Variants in BDP1 observed in about 807,000 individuals in gnomAD.
BDP1 encodes transcription factor TFIIIB component B'' homolog.
Under a neutral mutation model 266.6 loss-of-function variants are expected in BDP1, and 169 were observed. The observed-to-expected ratio is 0.63, with a 90% confidence interval of 0.56 to 0.72. BDP1 has a LOEUF of 0.72. Ranked by LOEUF, BDP1 falls within the 30% of genes least tolerant of loss-of-function variation. The pLI, the probability that BDP1 is intolerant of heterozygous loss-of-function variation, is 0.00. For synonymous variants in BDP1, 1,090 were observed against 1,022.4 expected, an observed-to-expected ratio of 1.07 and a Z score of -1.26; for missense variants, 3,015 against 3,053.8, an observed-to-expected ratio of 0.99 and a Z score of 0.30.
intron 7 of BDP1, among the ~76,000 whole-genome samples, chr5:71,483,167 A>G (rs1011841901): frequency 6.6e-6 from 1 of 152,236 alleles, no homozygotes; most frequent in African/African-American, 2.4e-5. Context: ...ACTGACGTGT[A>G]GATGGGAAAC....
chr5:71,530,845 A>T (rs1218713603), intron 25 of BDP1, among the ~76,000 whole-genome samples: 1 of 152,180 alleles, frequency 6.6e-6, no homozygotes, highest in Non-Finnish European at 1.5e-5. Flanking sequence ...TGGGAAGCCA[A>T]GGTGGGCAGA....
Position 71,567,053 on chromosome 5 carries a change from G to A in BDP1, c.*2168G>A, listed in dbSNP as rs1279076241. The A allele has an allele frequency of 2.0e-5, 3 of 152,056 alleles. No individual in the cohort carries two copies. Among genetic ancestry groups the A allele is most frequent in the East Asian group, 1.9e-4 (1 of 5,198 alleles). The allele number at this position is 152,056 out of a possible 1,614,324, so 9.4% of individuals were successfully genotyped here. On this transcript the variant is annotated 3_prime_UTR_variant, in exon 39 of 39. Coordinates refer to ENST00000358731, the MANE Select transcript of BDP1 (RefSeq NM_018429.3). ...GAGAGGAGGCTATATAATTCGGAGC[G>A]GAAATTGTCTATAAGTAGGCATTTA...
intron 16 of BDP1, among the ~76,000 whole-genome samples, chr5:71,506,823 A>ACACACACCC (rs377599570): frequency 7.1e-6 from 1 of 141,726 alleles, no homozygotes; most frequent in Admixed American, 7.2e-5. Context: ...ACACACACAC[A>ACACACACCC]CCCATATTTT....
intron 7 of BDP1, among the ~76,000 whole-genome samples, chr5:71,483,219 C>T (rs1763066552): frequency 6.6e-6 from 1 of 152,156 alleles, no homozygotes; most frequent in Non-Finnish European, 1.5e-5. Context: ...TTTGCGTGAT[C>T]AGACGTCTTC....
At chr5:71,528,330 T>TAA (rs1256549910) in intron 25 of BDP1, among the ~76,000 whole-genome samples, 3 of 152,192 alleles carry the variant, frequency 2.0e-5, no homozygotes, top group African/African-American at 7.2e-5. Flanking sequence ...TTAGCTTCCT[T>TAA]ACACTTTTGC....
In BDP1 at chr5:71,539,052, C is replaced by G; in HGVS notation, c.5903C>G (p.Thr1968Arg). 1 of 1,601,266 alleles carries G rather than the reference C, an allele frequency of 6.2e-7. No individual in the cohort carries two copies. Among genetic ancestry groups the G allele is most frequent in the Non-Finnish European group, 8.5e-7 (1 of 1,172,474 alleles). Residue 1968 changes from threonine (T) to arginine (R), a missense_variant, in exon 27 of 39, where the codon ACA becomes AGA. Thr to Arg is a moderately conservative substitution (Grantham distance 71). Coordinates refer to ENST00000358731, the MANE Select transcript of BDP1 (RefSeq NM_018429.3). The part of the protein sequence containing the change: ...ENLSVPFEMT[T>R]SEHIQDEPGT... ...TTTTTTCCTTTTTAGGAAATGACCACAAGTGAACATATCCAAGATGAACCA... is the reference window on the plus strand; with the variant it reads ...TTTTTTCCTTTTTAGGAAATGACCAGAAGTGAACATATCCAAGATGAACCA...
In BDP1 at chr5:71,553,276, C is replaced by G. The variant is rs201315532; in HGVS notation, c.7156C>G (p.Arg2386Gly). ...TGACCACATTCCTCCTGCCAAAAAA[C>G]GTTCACTCACTTTAAGAGATGACTG... ...KNDHIPPAKK[R>G]SLTLRDDCQE... Residue 2386 changes from arginine (R) to glycine (G), a missense_variant, in exon 35 of 39, where the codon CGT becomes GGT. Around this residue, in one of 3 missense-constraint regions of BDP1, gnomAD observed 629 missense variants for 632.5 expected, o/e 0.99. Coordinates refer to ENST00000358731, the MANE Select transcript of BDP1 (RefSeq NM_018429.3). 1.2e-6 allele frequency: 2 copies of G among 1,613,044 alleles called. No individual in the cohort carries two copies. The highest frequency in any genetic ancestry group is 1.7e-6 in the Non-Finnish European group (2 of 1,179,936).
rs1337520128 is a variant in BDP1 at position 71,541,553 on chromosome 5, A to C, written c.6122A>C (p.Glu2041Ala). The change falls in exon 29 of 39, where the codon GAA becomes GCA. Residue 2041 changes from glutamate (E) to alanine (A), a missense_variant. Physicochemically the swap from Glu to Ala is moderately radical, Grantham distance 107. This residue lies in a region of BDP1 where 2,383 missense variants were observed against 2,404.9 expected (regional missense o/e 0.99). Coordinates refer to ENST00000358731, the MANE Select transcript of BDP1 (RefSeq NM_018429.3). ...CACAAAATTGTTCATGAATGTCAGG[A>C]ACTTTCTTCACCTGTCATTACTACA... ...VNHKIVHECQ[E>A]LSSPVITTSP... is the part of the protein sequence containing the mutation. 2 of 1,611,652 alleles carry C rather than the reference A, an allele frequency of 1.2e-6. No homozygotes were observed. The highest frequency in any genetic ancestry group is 1.3e-5 in the African/African-American group (1 of 74,844).
chr5:71,555,599 C>G (rs1743161721), intron 35 of BDP1, among the ~76,000 whole-genome samples: 1 of 152,014 alleles, frequency 6.6e-6, no homozygotes, highest in Non-Finnish European at 1.5e-5. Flanking sequence ...GCCACCACGC[C>G]CAGCTAATTT....
intron 26 of BDP1, among the ~76,000 whole-genome samples, chr5:71,533,948 C>T (rs936426897): frequency 6.6e-6 from 1 of 151,970 alleles, no homozygotes; most frequent in Non-Finnish European, 1.5e-5. Context: ...TGCTATTTGT[C>T]TTTTTATTAT....
At chr5:71,541,348 C>T in intron 28 of BDP1, 106 bp from the exon 29 acceptor site, 1 of 545,560 alleles carries the variant, frequency 1.8e-6, no homozygotes, top group Non-Finnish European at 3.1e-6. Flanking sequence ...ACAAATGAAG[C>T]AAACTTTAAT....
intron 34 of BDP1, among the ~76,000 whole-genome samples, chr5:71,550,596 C>T (rs1369287715): frequency 1.3e-5 from 2 of 152,116 alleles, no homozygotes; most frequent in African/African-American, 4.8e-5. Flanking sequence ...GCCACTGTGC[C>T]CAGCTGTTCT....
At chr5:71,539,233 G>A (rs569005609) in intron 27 of BDP1, among the ~76,000 whole-genome samples, 155 bp downstream of exon 27, 1 of 152,266 alleles carries the variant, frequency 6.6e-6, no homozygotes, top group East Asian at 1.9e-4. Flanking sequence ...TGGATTCTTG[G>A]AATGTTATTT....
chr5:71,560,830 A>G (rs1561793594), intron 37 of BDP1, among the ~76,000 whole-genome samples: 1 of 152,214 alleles, frequency 6.6e-6, no homozygotes, highest in Non-Finnish European at 1.5e-5. Context: ...ACTAAGGGGA[A>G]GGGGTTGGGG....
chr5:71,497,232 G>A, intron 12 of BDP1, 38 bp from the exon 13 acceptor site: 1 of 1,576,792 alleles, frequency 6.3e-7, no homozygotes, highest in Non-Finnish European at 8.7e-7. Context: ...GGACATGACT[G>A]CATGTTTGAT....
At position 71,522,344 on chromosome 5, in the gene BDP1, C is replaced by G; in HGVS notation, c.5047C>G (p.Gln1683Glu). 6.2e-7 allele frequency: 1 copy of G among 1,613,798 alleles called. No homozygotes were observed. The highest frequency in any genetic ancestry group is 8.5e-7 in the Non-Finnish European group (1 of 1,179,930). The change falls in exon 23 of 39, where the codon CAA becomes GAA. Residue 1683 changes from glutamine (Q) to glutamate (E), a missense_variant. By Grantham distance (29) the Gln-to-Glu change is conservative (BLOSUM62 2). Around this residue, in one of 3 missense-constraint regions of BDP1, gnomAD observed 2,383 missense variants for 2,404.9 expected, o/e 0.99. Coordinates refer to ENST00000358731, the MANE Select transcript of BDP1 (RefSeq NM_018429.3). ...AGCACAAATGACAAGAAGGAAATTC[C>G]AAAAGGCTAAGCCAAATTTGGGAAG... ...SSAQMTRRKFQKAKPNLGRAH... is the reference protein window; with the variant it reads ...SSAQMTRRKFEKAKPNLGRAH...
intron 7 of BDP1, among the ~76,000 whole-genome samples, chr5:71,481,909 T>C (rs1443361759): frequency 6.6e-6 from 1 of 152,196 alleles, no homozygotes; most frequent in Non-Finnish European, 1.5e-5. Flanking sequence ...AATGCATTAG[T>C]ACTTAATTCT....
Position 71,539,084 on chromosome 5 carries a change from T to C in BDP1, c.5929+6T>C. 6.3e-7 allele frequency: 1 copy of C among 1,598,688 alleles called. No homozygotes were observed. The highest frequency in any genetic ancestry group is 8.5e-7 in the Non-Finnish European group (1 of 1,170,128). ...ACATATCCAAGATGAACCAGGTAAC[T>C]GTTATCAAGGAAACTGCTAAGACTA... On this transcript the variant is annotated splice_donor_region_variant and intron_variant, in intron 27 of 38. Transcript: ENST00000358731.
At position 71,510,135 on chromosome 5, in the gene BDP1, A is replaced by G. The variant is rs187541686; in HGVS notation, c.3043A>G (p.Thr1015Ala). 6.8e-6 allele frequency: 11 copies of G among 1,613,910 alleles called. No individual in the cohort carries two copies. In the African/African-American group the frequency reaches 1.1e-4, roughly 16 times the overall value. Residue 1015 changes from threonine to alanine, a missense_variant, in exon 17 of 39, where the codon ACT (threonine) becomes GCT (alanine). By Grantham distance (58) the Thr-to-Ala change is moderately conservative. Transcript: ENST00000358731. ...VDEMETDLNA[T>A]GRESSPREKT... Reference sequence around the variant, plus strand: ...TGAAATGGAGACAGATTTGAACGCAACTGGAAGAGAGAGTTCTCCAAGGGA... The same window carrying G: ...TGAAATGGAGACAGATTTGAACGCAGCTGGAAGAGAGAGTTCTCCAAGGGA...
Sources: gnomAD v4.1 joint callset for allele counts (sites outside exome capture counted in the v4.1 genomes callset) on GRCh38, gnomAD v4.1.1 for gene constraint, gnomAD v4.1.1 regional missense constraint, MANE v1.5 for transcripts, NCBI Gene and HGNC (gene_info 2026-07-23, HGNC 2026-07-21) for gene names.